CDC14A: variants seen among roughly 807,000 people sequenced by gnomAD.
CDC14A encodes dual specificity protein phosphatase CDC14A.
CDC14A carries 53 observed loss-of-function variants against 74.4 expected under a neutral mutation model. The ratio of observed to expected loss-of-function variants is 0.71; its 90% CI spans 0.57 to 0.89. The LOEUF is 0.89. Ranked by LOEUF, CDC14A falls within the 40% of genes least tolerant of loss-of-function variation. CDC14A has a pLI of 0.00. For synonymous variants in CDC14A, 247 were observed against 258.4 expected (o/e 0.96, Z 0.43); for missense variants, 646 against 713.7 (o/e 0.91, Z 1.08).
chr1:100,355,142 AT>A (rs1377123075), intron 2 of CDC14A, among the ~76,000 whole-genome samples: 1 of 152,178 alleles, frequency 6.6e-6, no homozygotes, highest in Non-Finnish European at 1.5e-5. Context: ...GGATGGAGTT[AT>A]GTGCGGCTGT....
chr1:100,417,339 T>A (rs1661669080), intron 4 of CDC14A, among the ~76,000 whole-genome samples: 1 of 152,184 alleles, frequency 6.6e-6, no homozygotes, highest in Non-Finnish European at 1.5e-5. Context: ...ATAATGGAGA[T>A]TTCAGACTAT....
At chr1:100,360,419 C>T (rs562086846) in intron 2 of CDC14A, among the ~76,000 whole-genome samples, 146 of 151,828 alleles carry the variant, frequency 9.6e-4, no homozygotes, top group Middle Eastern at 6.8e-3. Context: ...TCTCGGCTCA[C>T]TGCAACCTCC....
chr1:100,515,036 A>C (rs1426096299), intron 15 of CDC14A, among the ~76,000 whole-genome samples: 1 of 152,202 alleles, frequency 6.6e-6, no homozygotes, highest in African/African-American at 2.4e-5. Context: ...TGGTAGTCCT[A>C]CCTGTGACTA....
At chr1:100,504,563 A>G (rs1411109726) in intron 15 of CDC14A, among the ~76,000 whole-genome samples, 1 of 152,224 alleles carries the variant, frequency 6.6e-6, no homozygotes, top group Non-Finnish European at 1.5e-5. Flanking sequence ...ATTAACAAAA[A>G]TAGGTGGTGG....
chr1:100,385,647 C>T (rs918007882), intron 3 of CDC14A, among the ~76,000 whole-genome samples: 2 of 152,070 alleles, frequency 1.3e-5, no homozygotes, highest in African/African-American at 2.4e-5. Flanking sequence ...TGTAAATGTT[C>T]GTCAAAGGCC....
At chr1:100,429,211 A>AAATAAATAAATAAATAAATG in intron 5 of CDC14A, among the ~76,000 whole-genome samples, 1 of 146,148 alleles carries the variant, frequency 6.8e-6, no homozygotes, top group Non-Finnish European at 1.5e-5. Context: ...CTCAAAAAAT[A>AAATAAATAAATAAATAAATG]AATAAATAAA....
intron 4 of CDC14A, among the ~76,000 whole-genome samples, chr1:100,392,146 C>T (rs1017247859): frequency 2.0e-5 from 3 of 152,130 alleles, no homozygotes; most frequent in African/African-American, 7.2e-5. Context: ...TTTGTAGTGC[C>T]AGCCAGGCTA....
chr1:100,450,894 C>T (rs1017815133), intron 7 of CDC14A, among the ~76,000 whole-genome samples: 5 of 152,170 alleles, frequency 3.3e-5, no homozygotes, highest in East Asian at 1.9e-4. Flanking sequence ...CTAACACAAG[C>T]GTTCGTAAAA....
chr1:100,443,828 T>C (rs1404985478), intron 7 of CDC14A, among the ~76,000 whole-genome samples: 1 of 151,892 alleles, frequency 6.6e-6, no homozygotes, highest in East Asian at 1.9e-4. Flanking sequence ...TGAAGCAGAG[T>C]AGGATAAGGA....
At chr1:100,442,241 A>G (rs938782231) in intron 6 of CDC14A, among the ~76,000 whole-genome samples, 1 of 148,970 alleles carries the variant, frequency 6.7e-6, no homozygotes, top group African/African-American at 2.4e-5. Context: ...CCCAAGGTAG[A>G]GTTTTAGGAA....
chr1:100,418,309 T>C (rs926115628), intron 4 of CDC14A, among the ~76,000 whole-genome samples: 3 of 152,178 alleles, frequency 2.0e-5, no homozygotes, highest in Non-Finnish European at 4.4e-5. Flanking sequence ...AAAGGCATCA[T>C]GGGACATAGT....
At chr1:100,517,164 G>A (rs1056520744) in intron 15 of CDC14A, among the ~76,000 whole-genome samples, 1 of 152,176 alleles carries the variant, frequency 6.6e-6, no homozygotes, top group African/African-American at 2.4e-5. Context: ...GCTGTTCATG[G>A]GGTGTAAAAT....
At chr1:100,448,430 T>C (rs887896976) in intron 7 of CDC14A, among the ~76,000 whole-genome samples, 5 of 152,244 alleles carry the variant, frequency 3.3e-5, no homozygotes, top group Non-Finnish European at 5.9e-5. Flanking sequence ...TTGATAGAAG[T>C]TAGAGCCACA....
intron 4 of CDC14A, among the ~76,000 whole-genome samples, chr1:100,413,864 C>T (rs1197177782): frequency 6.6e-6 from 1 of 152,070 alleles, no homozygotes; most frequent in Non-Finnish European, 1.5e-5. Context: ...AATTAAGTAC[C>T]AATCAAAACA....
intron 5 of CDC14A, among the ~76,000 whole-genome samples, chr1:100,433,274 T>C (rs1663734333): frequency 6.6e-6 from 1 of 152,204 alleles, no homozygotes; most frequent in South Asian, 2.1e-4. Context: ...ATTCCTGTAT[T>C]AATTCATTTA....
chr1:100,376,967 G>A (rs1655351792), intron 2 of CDC14A, among the ~76,000 whole-genome samples: 1 of 151,564 alleles, frequency 6.6e-6, no homozygotes, highest in South Asian at 2.1e-4. Context: ...CTGTTCTTTA[G>A]TGTGTTTACT....
At chr1:100,386,129 T>C (rs1044008148) in intron 3 of CDC14A, among the ~76,000 whole-genome samples, 10 of 151,726 alleles carry the variant, frequency 6.6e-5, no homozygotes, top group African/African-American at 2.4e-4. Flanking sequence ...ATCATGCCAC[T>C]GTATTCCAGC....
chr1:100,496,144 A>G, intron 13 of CDC14A, 95 bp downstream of exon 13: 1 of 997,954 alleles, frequency 1.0e-6, no homozygotes, highest in Non-Finnish European at 1.6e-6. Flanking sequence ...TCAACTGTAC[A>G]CAGCTTTTTG....
At chr1:100,479,384 G>A (rs1165126897) in intron 10 of CDC14A, among the ~76,000 whole-genome samples, 1 of 152,032 alleles carries the variant, frequency 6.6e-6, no homozygotes, top group Non-Finnish European at 1.5e-5. Flanking sequence ...CCTAAGTACT[G>A]TACATTGTAC....
Sources: allele counts gnomAD v4.1 joint callset (sites outside exome capture counted in the v4.1 genomes callset), GRCh38; gene constraint gnomAD v4.1.1; transcripts MANE v1.5; gene names NCBI Gene and HGNC (gene_info 2026-07-23, HGNC 2026-07-21).